MED27: variants seen among roughly 807,000 people sequenced by gnomAD.
The protein encoded by MED27 is mediator complex subunit 27.
MED27 carries 30 observed loss-of-function variants against 38.2 expected under a neutral mutation model. The ratio of observed to expected loss-of-function variants is 0.79; its 90% confidence interval spans 0.59 to 1.07. The LOEUF (loss-of-function observed/expected upper bound fraction) is 1.07, where lower values mean the gene tolerates loss of function less well. MED27 is among the 50% of genes least tolerant of loss of function. The pLI is 0.00. For synonymous variants in MED27, 122 were observed against 153.5 expected (o/e 0.79, Z 1.52); for missense variants, 289 against 397.5 (o/e 0.73, Z 2.32).
intron 2 of MED27, among the ~76,000 whole-genome samples, chr9:132,067,716 G>T (rs1218101089): frequency 6.6e-6 from 1 of 152,114 alleles, no homozygotes; most frequent in Non-Finnish European, 1.5e-5. Flanking sequence ...TCTTTTTGTT[G>T]TTGTTGTTGT....
intron 4 of MED27, among the ~76,000 whole-genome samples, chr9:131,898,308 C>T (rs1333890556): frequency 1.3e-5 from 2 of 151,886 alleles, no homozygotes; most frequent in African/African-American, 4.8e-5. Flanking sequence ...GATCTTGGCT[C>T]ACTGCAACCT....
At chr9:132,036,657 C>T (rs905190723) in intron 2 of MED27, among the ~76,000 whole-genome samples, 6 of 152,100 alleles carry the variant, frequency 3.9e-5, no homozygotes, top group African/African-American at 1.2e-4. Flanking sequence ...AGTCTCCTCA[C>T]GTGTAAAACA....
At chr9:131,908,340 G>T (rs1356370176) in intron 4 of MED27, among the ~76,000 whole-genome samples, 1 of 152,156 alleles carries the variant, frequency 6.6e-6, no homozygotes, top group Non-Finnish European at 1.5e-5. Context: ...GAAATGAGGA[G>T]CCCCTCTGCC....
chr9:132,057,485 G>A (rs774400272), intron 2 of MED27, among the ~76,000 whole-genome samples: 29 of 152,228 alleles, frequency 1.9e-4, no homozygotes, highest in Non-Finnish European at 3.5e-4. Flanking sequence ...ACAGAGCTGG[G>A]CTGCGCAGGC....
chr9:132,023,878 G>C (rs940515826), intron 2 of MED27, among the ~76,000 whole-genome samples: 1 of 152,206 alleles, frequency 6.6e-6, no homozygotes, highest in Non-Finnish European at 1.5e-5. Context: ...TCAGGAAATA[G>C]GAGAGAGCTC....
chr9:132,060,468 G>C (rs537500031), intron 2 of MED27, among the ~76,000 whole-genome samples: 1 of 152,198 alleles, frequency 6.6e-6, no homozygotes, highest in Admixed American at 6.5e-5. Context: ...GCAGAGAGAC[G>C]GCAAAATTTA....
chr9:131,944,864 T>G (rs1229382729), intron 3 of MED27, among the ~76,000 whole-genome samples: 1 of 151,984 alleles, frequency 6.6e-6, no homozygotes, highest in African/African-American at 2.4e-5. Context: ...ACAGATCCCT[T>G]GGAGAAGGTA....
At chr9:132,075,519 T>C (rs1275774846) in intron 2 of MED27, among the ~76,000 whole-genome samples, 1 of 152,212 alleles carries the variant, frequency 6.6e-6, no homozygotes, top group Non-Finnish European at 1.5e-5. Flanking sequence ...ATACATAACA[T>C]TTCTTTTCCT....
chr9:131,894,012 C>G lies in MED27; in HGVS notation c.574-20G>C. The G allele has an allele frequency of 6.3e-7, 1 of 1,598,246 alleles. No homozygotes were observed. Among genetic ancestry groups the G allele is most frequent in the Non-Finnish European group, 8.6e-7 (1 of 1,165,636 alleles). ...GGTCACCTGCCAAAACACATGTAAG[C>G]TGACACTTGAACACGCAAATCACAC... On this transcript the variant is annotated intron_variant, in intron 4 of 7. Transcript: ENST00000292035.
At chr9:132,076,281 A>T (rs113802556) in intron 2 of MED27, among the ~76,000 whole-genome samples, 89 of 151,794 alleles carry the variant, frequency 5.9e-4, no homozygotes, top group Middle Eastern at 3.4e-3. Context: ...TTTTTGGCTA[A>T]ATCTAGACCC....
chr9:132,040,967 A>C (rs1369410210), intron 2 of MED27, among the ~76,000 whole-genome samples: 1 of 152,204 alleles, frequency 6.6e-6, no homozygotes, highest in Non-Finnish European at 1.5e-5. Context: ...CTGCCATCTC[A>C]CCACTCCAGA....
chr9:131,867,702 T>C (rs1838760187), intron 6 of MED27, among the ~76,000 whole-genome samples: 1 of 152,242 alleles, frequency 6.6e-6, no homozygotes, highest in African/African-American at 2.4e-5. Context: ...AGCCACAGCA[T>C]TGGAATCTCC....
intron 3 of MED27, among the ~76,000 whole-genome samples, chr9:132,004,547 C>T (rs1832314849): frequency 6.6e-6 from 1 of 152,210 alleles, no homozygotes; most frequent in South Asian, 2.1e-4. Flanking sequence ...TAGCAGCGCA[C>T]TGCAAGACCT....
At chr9:131,909,938 C>T (rs1830157472) in intron 4 of MED27, among the ~76,000 whole-genome samples, 1 of 152,160 alleles carries the variant, frequency 6.6e-6, no homozygotes, top group Non-Finnish European at 1.5e-5. Context: ...CTGTGAATTC[C>T]TATAACCTAA....
At chr9:131,954,456 T>C (rs938713803) in intron 3 of MED27, among the ~76,000 whole-genome samples, 1 of 152,162 alleles carries the variant, frequency 6.6e-6, no homozygotes, top group Non-Finnish European at 1.5e-5. Flanking sequence ...GACAGGTGGA[T>C]TGATGCTTGC....
chr9:131,972,924 C>T (rs1831512409), intron 3 of MED27, among the ~76,000 whole-genome samples: 1 of 152,148 alleles, frequency 6.6e-6, no homozygotes, highest in Non-Finnish European at 1.5e-5. Context: ...TGGTGTGCAC[C>T]TGTAAACCCA....
intron 3 of MED27, among the ~76,000 whole-genome samples, chr9:131,965,940 T>C (rs115995923): frequency 6.6e-3 from 997 of 151,178 alleles, no homozygotes; most frequent in African/African-American, 0.023. Context: ...TAACGCACCA[T>C]TGGAAAGTAA....
intron 4 of MED27, among the ~76,000 whole-genome samples, chr9:131,930,791 T>C (rs1830570395): frequency 6.6e-6 from 1 of 152,090 alleles, no homozygotes; most frequent in South Asian, 2.1e-4. Flanking sequence ...CAATCAAAAA[T>C]AATAACTTTT....
At chr9:132,004,544 G>T (rs958554130) in intron 3 of MED27, among the ~76,000 whole-genome samples, 1 of 152,092 alleles carries the variant, frequency 6.6e-6, no homozygotes, top group Admixed American at 6.5e-5. Context: ...CTGTAGCAGC[G>T]CACTGCAAGA....
Sources: gnomAD v4.1 joint callset for allele counts (sites outside exome capture counted in the v4.1 genomes callset) on GRCh38, gnomAD v4.1.1 for gene constraint, MANE v1.5 for transcripts, NCBI Gene and HGNC (gene_info 2026-07-23, HGNC 2026-07-21) for gene names.